COL5A1: variants seen among roughly 807,000 people sequenced by gnomAD.
COL5A1 encodes the protein collagen type V alpha 1 chain, also known as collagen alpha-1(V) chain.
In COL5A1, 16 loss-of-function variants were observed where a neutral mutation model predicts 263.7. The observed-to-expected ratio is 0.06, with a 90% CI of 0.04 to 0.09. The LOEUF (loss-of-function observed/expected upper bound fraction) is 0.09, where lower values mean the gene tolerates loss of function less well. Ranked by LOEUF, COL5A1 falls within the 10% of genes least tolerant of loss-of-function variation. The pLI, the probability that COL5A1 is intolerant of heterozygous loss-of-function variation, is 1.00. For synonymous variants in COL5A1, 1,012 were observed against 1,004.5 expected (o/e 1.01, Z -0.14); for missense variants, 2,036 against 2,540.5 (o/e 0.80, Z 4.27).
Position 134,730,442 on chromosome 9 carries a change from C to T in COL5A1, c.1131C>T (p.Pro377=), listed in dbSNP as rs747058182. 25 of 1,613,998 alleles carry T rather than the reference C, an allele frequency of 1.5e-5. No homozygotes were observed. Among genetic ancestry groups the T allele is most frequent in the East Asian group, 4.5e-5 (2 of 44,882 alleles). Residue 377 remains proline, a synonymous_variant, in exon 7 of 66, where the codon CCC becomes CCT. Transcript: ENST00000371817. The part of the protein sequence containing the change: ...PTDPGAGAEI[P]TSTADTSNSS... ...ACCCAGGCGCTGGGGCCGAAATTCC[C>T]ACCAGCACCGCCGACACCTCCAACT...
intron 1 of COL5A1, among the ~76,000 whole-genome samples, chr9:134,669,828 A>T (rs879401023): frequency 1.3e-5 from 2 of 152,168 alleles, no homozygotes; most frequent in Non-Finnish European, 2.9e-5. Flanking sequence ...GTAAGACATA[A>T]GACAACTCCA....
intron 4 of COL5A1, among the ~76,000 whole-genome samples, chr9:134,715,477 G>A (rs112498477): frequency 0.096 from 14,548 of 152,134 alleles, 899 homozygotes; most frequent in South Asian, 0.18. Context: ...CCCTTCATGG[G>A]TGTCAGTCTG....
At chr9:134,740,346 C>T (rs1456063481) in intron 11 of COL5A1, among the ~76,000 whole-genome samples, 1 of 152,198 alleles carries the variant, frequency 6.6e-6, no homozygotes, top group Non-Finnish European at 1.5e-5. Context: ...CTGGAGACCC[C>T]TTCCCCCAGA....
At chr9:134,733,005 G>A (rs1463133697) in intron 9 of COL5A1, among the ~76,000 whole-genome samples, 2 of 152,212 alleles carry the variant, frequency 1.3e-5, no homozygotes, top group Non-Finnish European at 2.9e-5. Context: ...AGAGCAGGGA[G>A]GAGCCAGCAC....
At chr9:134,817,699 C>A in intron 53 of COL5A1, 79 bp from the exon 54 acceptor site, 4 of 1,310,430 alleles carry the variant, frequency 3.1e-6, no homozygotes, top group East Asian at 2.4e-5. Flanking sequence ...ACACACACAC[C>A]CTGAGCGCCT....
rs11103514 is a variant in COL5A1 at position 134,765,105 on chromosome 9, G to A, written c.2035-576G>A. Among the ~76,000 whole-genome samples, 6,051 of 152,158 alleles carry A rather than the reference G, an allele frequency of 0.04. 153 individuals carry two copies. Among genetic ancestry groups the A allele is most frequent in the Non-Finnish European group, 0.059 (4,001 of 67,956 alleles). ...ACGAGCCTCGCCGACCGGAGAGGGC[G>A]TGCCAGCTCTTGCCCAGAGTAGCGT... On this transcript the variant is annotated intron_variant, in intron 20 of 65. Transcript: ENST00000371817. This position sits in a 1 kb window ranked among gnomAD's most constrained non-coding sequence, Gnocchi z 5.1.
At chr9:134,732,971 G>A (rs149548040) in intron 9 of COL5A1, among the ~76,000 whole-genome samples, 2,190 of 152,316 alleles carry the variant, frequency 0.014, 18 homozygotes, top group South Asian at 0.024. Flanking sequence ...GAGTCCTGCC[G>A]CTGCATGTGG....
At chr9:134,815,476 G>A (rs1030278717) in intron 50 of COL5A1, 100 bp from the exon 51 acceptor site, 78 of 1,180,064 alleles carry the variant, frequency 6.6e-5, no homozygotes, top group Non-Finnish European at 9.3e-5. Context: ...GGAGCTGGAC[G>A]GTGGCAGGTG....
intron 23 of COL5A1, 36 bp from the exon 24 acceptor site, chr9:134,767,274 C>T: frequency 1.2e-6 from 2 of 1,610,406 alleles, no homozygotes; most frequent in African/African-American, 1.3e-5. Flanking sequence ...CAATCAGCGC[C>T]CTCACCTTCC....
In COL5A1 at chr9:134,754,589, G is replaced by C. The variant is rs567633156; in HGVS notation, c.1827+263G>C. 6.6e-6 allele frequency among the ~76,000 whole-genome samples: 1 copy of C among 152,336 alleles called. No homozygotes were observed. The highest frequency in any genetic ancestry group is 2.4e-5 in the African/African-American group (1 of 41,590). On this transcript the variant is annotated intron_variant, in intron 16 of 65. Transcript: ENST00000371817. This position sits in a 1 kb window ranked among gnomAD's most constrained non-coding sequence, Gnocchi z 4.3. The stretch of plus-strand genomic sequence containing the variant: ...AGTTTAATAAACCTTTCTAATTCAA[G>C]AAACTTCCCAGGCCCTTTGGGAGCA...
chr9:134,768,346 C>G lies in COL5A1; in HGVS notation c.2233-64C>G, dbSNP rs554517119. 4 of 1,397,674 alleles carry G rather than the reference C, an allele frequency of 2.9e-6. No homozygotes were observed. In the African/African-American group the frequency reaches 5.7e-5, roughly 20 times the overall value. The allele number at this position is 1,397,674 out of a possible 1,614,324, so 86.6% of individuals were successfully genotyped here. A position where few individuals can be genotyped will look rare whatever the true frequency, so the allele number is the denominator to read the frequency against. ...AAATGTTGAAAAGTAACCTTGGTGG[C>G]CGACGGAGAGGTCAGGTGAGCCTAG... On this transcript the variant is annotated intron_variant, in intron 24 of 65. Coordinates refer to ENST00000371817, the MANE Select transcript of COL5A1 (RefSeq NM_000093.5).
chr9:134,738,651 C>T lies in COL5A1; in HGVS notation c.1432-95C>T. 4.4e-6 allele frequency: 6 copies of T among 1,350,362 alleles called. No individual in the cohort carries two copies. The South Asian group carries it at 7.0e-5, about 16-fold the overall frequency. 83.6% of individuals were successfully genotyped at this position (1,350,362 alleles called of 1,614,324 possible). A position where few individuals can be genotyped will look rare whatever the true frequency, so the allele number is the denominator to read the frequency against. On this transcript the variant is annotated intron_variant, in intron 10 of 65. Transcript: ENST00000371817. ...CAGATCCCCTGGGAGCCGGCGCTAT[C>T]CCACCCCCACCTCTGCCTTGGTTGG...
intron 34 of COL5A1, 79 bp downstream of exon 34, chr9:134,795,394 G>T: frequency 5.9e-6 from 7 of 1,185,310 alleles, no homozygotes; most frequent in Non-Finnish European, 7.2e-6. Flanking sequence ...GTCTGAGGGT[G>T]TCTGTGACCT....
intron 9 of COL5A1, 149 bp downstream of exon 9, chr9:134,732,276 C>T (rs919345569): frequency 4.3e-5 from 33 of 772,066 alleles, no homozygotes; most frequent in African/African-American, 1.2e-4. Context: ...GTGGAGTCCA[C>T]GCACCACTTG....
At chr9:134,815,020 A>C (rs970044844) in intron 50 of COL5A1, 116 bp downstream of exon 50, 13 of 729,588 alleles carry the variant, frequency 1.8e-5, no homozygotes, top group Admixed American at 2.8e-5. Flanking sequence ...AGACCATTCC[A>C]TGTGTTGGGT....
At chr9:134,833,219 G>A (rs920112216) in intron 64 of COL5A1, among the ~76,000 whole-genome samples, 1 of 152,212 alleles carries the variant, frequency 6.6e-6, no homozygotes, top group Non-Finnish European at 1.5e-5. Flanking sequence ...AAGATGCATC[G>A]ATGTCCCCTG....
intron 64 of COL5A1, among the ~76,000 whole-genome samples, chr9:134,833,211 G>T (rs1839715743): frequency 1.3e-5 from 2 of 152,250 alleles, no homozygotes; most frequent in Admixed American, 1.3e-4. Flanking sequence ...GGGGAGCTAA[G>T]ATGCATCGAT....
rs1831345991 is a variant in COL5A1, at chr9:134,642,858, C to T, written c.109+562C>T. 1.3e-5 allele frequency among the ~76,000 whole-genome samples: 2 copies of T among 152,180 alleles called. No homozygotes were observed. Among genetic ancestry groups the T allele is most frequent in the African/African-American group, 4.8e-5 (2 of 41,448 alleles). On this transcript the variant is annotated intron_variant, in intron 1 of 65. Transcript: ENST00000371817. The surrounding 1 kb of genome is among the most constrained non-coding windows in gnomAD (Gnocchi z 4.5). ...GGACAGCGTTTCCTGCAGCCTTGGTCACCTAAGTGTTCGGGGGCACTGGGG... is the reference window on the plus strand; with the variant it reads ...GGACAGCGTTTCCTGCAGCCTTGGTTACCTAAGTGTTCGGGGGCACTGGGG...
chr9:134,731,957 C>G (rs1834898881), intron 8 of COL5A1, 114 bp from the exon 9 acceptor site: 2 of 1,240,102 alleles, frequency 1.6e-6, no homozygotes, highest in Non-Finnish European at 2.4e-6. Flanking sequence ...GGGGAGATGC[C>G]CAGCTACGAT....
Sources: gnomAD v4.1 joint callset for allele counts (sites outside exome capture counted in the v4.1 genomes callset) on GRCh38, gnomAD v4.1.1 for gene constraint, Gnocchi (gnomAD v3.1) non-coding constraint, MANE v1.5 for transcripts, NCBI Gene and HGNC (gene_info 2026-07-23, HGNC 2026-07-21) for gene names.